Variants in GANC observed in about 807,000 individuals in gnomAD.
GANC encodes neutral alpha-glucosidase C.
A neutral mutation model predicts 124.2 loss-of-function variants in GANC; 117 were observed. The observed-to-expected ratio is 0.94, with a 90% CI of 0.81 to 1.10. GANC has a LOEUF of 1.10. Ranked by LOEUF, GANC falls within the 50% of genes least tolerant of loss-of-function variation. The probability of loss-of-function intolerance (pLI) is 0.00; values close to 1 mark genes in which losing one functional copy is unlikely to be tolerated. For synonymous variants in GANC, 377 were observed against 376.8 expected (o/e 1.00, Z -0.01); for missense variants, 1,140 against 1,095.0 (o/e 1.04, Z -0.58).
intron 8 of GANC, among the ~76,000 whole-genome samples, chr15:42,309,468 C>T (rs550288567): frequency 1.3e-5 from 2 of 151,890 alleles, no homozygotes; most frequent in Non-Finnish European, 2.9e-5. Flanking sequence ...TACAGGTATG[C>T]GCCACTACGC....
intron 10 of GANC, chr15:42,313,741 G>A: frequency 3.3e-6 from 1 of 300,152 alleles, no homozygotes; most frequent in South Asian, 4.0e-5. Context: ...TGATAGGAAG[G>A]GGAACAGTGC....
chr15:42,310,670 T>G, intron 9 of GANC, 23 bp from the exon 10 acceptor site: 1 of 1,597,894 alleles, frequency 6.3e-7, no homozygotes, highest in Non-Finnish European at 8.6e-7. Flanking sequence ...ATTTCTCAAA[T>G]TTTTATTCCA....
At position 42,310,479 on chromosome 15, in the gene GANC, T is replaced by C. The variant is rs745798333; in HGVS notation, c.903+16T>C. 8.2e-6 allele frequency: 13 copies of C among 1,576,998 alleles called. No individual in the cohort carries two copies. Among genetic ancestry groups the C allele is most frequent in the Non-Finnish European group, 1.1e-5 (13 of 1,159,094 alleles). On this transcript the variant is annotated intron_variant, in intron 9 of 23. Coordinates refer to ENST00000318010, the MANE Select transcript of GANC (RefSeq NM_198141.3). Reference sequence around the variant, plus strand: ...TGCAGTAGAGGTGAGCTATTTATCATGGCTACATGTCATACTTAAAGAAGA... The same window carrying C: ...TGCAGTAGAGGTGAGCTATTTATCACGGCTACATGTCATACTTAAAGAAGA...
Position 42,343,466 on chromosome 15 carries a change from T to A in GANC, c.2229+312T>A, listed in dbSNP as rs571657842. On this transcript the variant is annotated intron_variant, in intron 19 of 23. Coordinates refer to ENST00000318010, the MANE Select transcript of GANC (RefSeq NM_198141.3). Reference sequence around the variant, plus strand: ...GGGTAGGAAGAAATCTTCAGTCTGCTATGAGGTATCAAACTCTGGGGGAAA... The same window carrying A: ...GGGTAGGAAGAAATCTTCAGTCTGCAATGAGGTATCAAACTCTGGGGGAAA... 19 of 292,638 alleles carry A rather than the reference T, an allele frequency of 6.5e-5. No homozygotes were observed. In the South Asian group the frequency reaches 7.9e-4, roughly 12 times the overall value. 18.1% of individuals were successfully genotyped at this position (292,638 alleles called of 1,614,324 possible).
intron 6 of GANC, among the ~76,000 whole-genome samples, chr15:42,299,421 G>A (rs935415266): frequency 4.6e-5 from 7 of 152,130 alleles, no homozygotes; most frequent in Non-Finnish European, 8.8e-5. Context: ...TGACTTGATC[G>A]TGGTGGATAA....
chr15:42,302,653 A>G (rs1227386379), intron 6 of GANC, among the ~76,000 whole-genome samples: 2 of 152,192 alleles, frequency 1.3e-5, no homozygotes, highest in African/African-American at 2.4e-5. Context: ...TTTAGAGAAG[A>G]ACATAAATGA....
At chr15:42,338,548 A>C in intron 16 of GANC, 58 bp downstream of exon 16, 1 of 1,231,954 alleles carries the variant, frequency 8.1e-7, no homozygotes, top group Non-Finnish European at 1.2e-6. Flanking sequence ...GGGTGTTTTC[A>C]TCAAAGCTGG....
intron 7 of GANC, among the ~76,000 whole-genome samples, chr15:42,307,718 G>A (rs2052011891): frequency 6.6e-6 from 1 of 152,128 alleles, no homozygotes; most frequent in Non-Finnish European, 1.5e-5. Context: ...GTATTTTGAG[G>A]AACCAGTTAT....
chr15:42,282,280 C>T (rs560383397), intron 3 of GANC, among the ~76,000 whole-genome samples: 17 of 152,188 alleles, frequency 1.1e-4, no homozygotes, highest in Non-Finnish European at 2.1e-4. Context: ...AAGATTGTGC[C>T]GCTGCACCCT....
At chr15:42,340,038 A>G in intron 17 of GANC, 126 bp downstream of exon 17, 1 of 1,278,838 alleles carries the variant, frequency 7.8e-7, no homozygotes, top group Non-Finnish European at 1.1e-6. Context: ...ATGTTTAATC[A>G]AGTTTCAATA....
intron 3 of GANC, chr15:42,281,173 C>A (rs374662808): frequency 2.9e-6 from 2 of 691,106 alleles, no homozygotes; most frequent in South Asian, 3.0e-5. Flanking sequence ...ATCTGCATGC[C>A]CTGATCTCAG....
chr15:42,284,696 C>G (rs545142991), intron 3 of GANC, among the ~76,000 whole-genome samples: 206 of 152,196 alleles, frequency 1.4e-3, no homozygotes, highest in Non-Finnish European at 2.6e-3. Flanking sequence ...AGTGGTTACT[C>G]ACAGGTGCAG....
chr15:42,307,155 T>C (rs929472159), intron 7 of GANC, among the ~76,000 whole-genome samples: 5 of 152,048 alleles, frequency 3.3e-5, no homozygotes, highest in African/African-American at 1.2e-4. Flanking sequence ...AATACTCACT[T>C]TCCTCTTTCC....
chr15:42,337,554 C>T (rs2052292330), intron 15 of GANC, among the ~76,000 whole-genome samples: 1 of 151,768 alleles, frequency 6.6e-6, no homozygotes, highest in African/African-American at 2.4e-5. Flanking sequence ...CTGGGGCCTA[C>T]CTGAGAATAG....
chr15:42,346,290 G>A (rs1352830290), intron 20 of GANC, among the ~76,000 whole-genome samples: 1 of 152,100 alleles, frequency 6.6e-6, no homozygotes, highest in Non-Finnish European at 1.5e-5. Context: ...CTAGTGTTCT[G>A]CACAATAGCA....
At position 42,287,716 on chromosome 15, in the gene GANC, G is replaced by A. The variant is rs2051804143; in HGVS notation, c.227G>A (p.Gly76Asp). 1 of 1,612,822 alleles carries A rather than the reference G, an allele frequency of 6.2e-7. No homozygotes were observed. Among genetic ancestry groups the A allele is most frequent in the South Asian group, 1.1e-5 (1 of 91,002 alleles). The change falls in exon 4 of 24, where the codon GGT (glycine) becomes GAT (aspartate). Residue 76 changes from glycine (G) to aspartate (D), a missense_variant. Transcript: ENST00000318010. ...GTTCCTCTCCTGGCTGAAATTTATG[G>A]TATAGAAGGAAACATTTTCAGGCTT... ...SKVPLLAEIYGIEGNIFRLKI... is the reference protein window; with the variant it reads ...SKVPLLAEIYDIEGNIFRLKI...
At chr15:42,348,040 A>G in intron 20 of GANC, 63 bp from the exon 21 acceptor site, 1 of 928,092 alleles carries the variant, frequency 1.1e-6, no homozygotes, top group Non-Finnish European at 1.6e-6. Context: ...AAATATTTTT[A>G]AATTCTACCT....
chr15:42,279,686 G>T (rs116472242), intron 3 of GANC, among the ~76,000 whole-genome samples: 2,088 of 152,170 alleles, frequency 0.014, 47 homozygotes, highest in African/African-American at 0.048. Flanking sequence ...AGTTTCTAAG[G>T]CCTCTGAGAC....
intron 5 of GANC, among the ~76,000 whole-genome samples, chr15:42,295,060 C>T (rs912887755): frequency 2.0e-5 from 3 of 151,276 alleles, no homozygotes; most frequent in Admixed American, 6.6e-5. Flanking sequence ...CAAGCTCTGC[C>T]TCCTGGGTTC....
Sources: gnomAD v4.1 joint callset for allele counts (sites outside exome capture counted in the v4.1 genomes callset) on GRCh38, gnomAD v4.1.1 for gene constraint, MANE v1.5 for transcripts, NCBI Gene and HGNC (gene_info 2026-07-23, HGNC 2026-07-21) for gene names.